UTRN: variants seen among roughly 807,000 people sequenced by gnomAD.
UTRN encodes dystrophin-related protein 1.
Under a neutral mutation model 463.9 loss-of-function variants are expected in UTRN, and 283 were observed. That is an observed-to-expected ratio of 0.61 (90% confidence interval 0.55 to 0.67). The LOEUF (loss-of-function observed/expected upper bound fraction) is 0.67, where lower values mean the gene tolerates loss of function less well. Ranked by LOEUF, UTRN falls within the 30% of genes least tolerant of loss-of-function variation. The probability of loss-of-function intolerance (pLI) is 0.00; values close to 1 mark genes in which losing one functional copy is unlikely to be tolerated. For missense variants in UTRN, 3,922 were observed against 4,084.3 expected, an observed-to-expected ratio of 0.96 and a Z score of 1.08; for synonymous variants, 1,442 against 1,431.5, an observed-to-expected ratio of 1.01 and a Z score of -0.17.
intron 2 of UTRN, among the ~76,000 whole-genome samples, chr6:144,381,103 G>A (rs900603163): frequency 5.9e-5 from 9 of 151,598 alleles, no homozygotes; most frequent in East Asian, 5.8e-4. Flanking sequence ...GTTTGTTTAC[G>A]GATTATTTCA....
chr6:144,405,166 C>G (rs1282128245), intron 3 of UTRN, among the ~76,000 whole-genome samples: 3 of 152,110 alleles, frequency 2.0e-5, no homozygotes, highest in African/African-American at 4.8e-5. Flanking sequence ...GAAAAACTAC[C>G]AAACGTGGGA....
intron 41 of UTRN, among the ~76,000 whole-genome samples, chr6:144,527,818 G>A (rs1796693021): frequency 6.6e-6 from 1 of 152,140 alleles, no homozygotes; most frequent in Non-Finnish European, 1.5e-5. Context: ...CTCTGAGTGT[G>A]TCCTTGATTT....
intron 50 of UTRN, among the ~76,000 whole-genome samples, chr6:144,569,073 A>G (rs972278758): frequency 6.6e-6 from 1 of 152,108 alleles, no homozygotes; most frequent in African/African-American, 2.4e-5. Context: ...ATGGATAAAA[A>G]ATCTTGTAAT....
chr6:144,310,781 CACAA>C (rs776473585), intron 2 of UTRN, among the ~76,000 whole-genome samples: 3 of 152,318 alleles, frequency 2.0e-5, no homozygotes, highest in East Asian at 1.9e-4. Flanking sequence ...CTGTCTCAAA[CACAA>C]ACAAACAAAC....
chr6:144,547,594 A>G (rs1445790751), intron 46 of UTRN, among the ~76,000 whole-genome samples: 1 of 152,180 alleles, frequency 6.6e-6, no homozygotes, highest in Non-Finnish European at 1.5e-5. Context: ...ATTGAACAGT[A>G]AATTCTTCTT....
intron 59 of UTRN, 48 bp downstream of exon 59, chr6:144,772,016 GTTTTTTTTTTTTTTTTTTT>G (rs748399313): frequency 1.2e-3 from 148 of 127,576 alleles, no homozygotes; most frequent in South Asian, 3.4e-3. Context: ...CTGAGAACCG[GTTTTTTTTTTTTTTTTTTT>G]TTTTTTTTTT....
intron 65 of UTRN, among the ~76,000 whole-genome samples, chr6:144,814,414 G>A (rs968586901): frequency 2.0e-5 from 3 of 152,142 alleles, no homozygotes; most frequent in Non-Finnish European, 4.4e-5. Context: ...TTCTGTTATA[G>A]CAGACTGAAT....
At chr6:144,729,780 T>C (rs1788324276) in intron 53 of UTRN, among the ~76,000 whole-genome samples, 1 of 152,252 alleles carries the variant, frequency 6.6e-6, no homozygotes, top group Non-Finnish European at 1.5e-5. Context: ...AGTAATTGCC[T>C]CAGCATGAGA....
At chr6:144,780,194 CAT>C (rs931040614) in intron 60 of UTRN, among the ~76,000 whole-genome samples, 1 of 152,034 alleles carries the variant, frequency 6.6e-6, no homozygotes, top group Non-Finnish European at 1.5e-5. Context: ...CAAAATATGT[CAT>C]ATTTTTTGAG....
intron 2 of UTRN, among the ~76,000 whole-genome samples, chr6:144,314,179 G>A (rs530089735): frequency 1.1e-3 from 169 of 152,156 alleles, no homozygotes; most frequent in African/African-American, 4.0e-3. Context: ...GGGAGCCAGC[G>A]TTGGGAATAA....
At chr6:144,740,175 T>C (rs920867644) in intron 54 of UTRN, among the ~76,000 whole-genome samples, 2 of 152,234 alleles carry the variant, frequency 1.3e-5, no homozygotes, top group East Asian at 3.8e-4. Context: ...GTCACAAAAC[T>C]TGATGCTCTT....
chr6:144,761,413 G>A (rs1792657424), intron 58 of UTRN, among the ~76,000 whole-genome samples: 1 of 152,020 alleles, frequency 6.6e-6, no homozygotes, highest in South Asian at 2.1e-4. Context: ...CCTAATGCTT[G>A]GGAGGCTGAG....
intron 52 of UTRN, among the ~76,000 whole-genome samples, chr6:144,691,840 C>CTATTT (rs1312703003): frequency 6.6e-6 from 1 of 152,010 alleles, no homozygotes; most frequent in African/African-American, 2.4e-5. Context: ...ACCACCTTGT[C>CTATTT]TATTTTATTT....
rs1009249610 is a variant in UTRN, at chr6:144,423,731, C to A, written c.312+105C>A. On this transcript the variant is annotated intron_variant, in intron 5 of 74. Transcript: ENST00000367545. The stretch of plus-strand genomic sequence containing the variant: ...ATTGGCATCCACTGATTCTTGCAAA[C>A]ATTTTTTCTTATGAGAAATACTGAA... 1.3e-5 allele frequency: 18 copies of A among 1,351,994 alleles called. No individual in the cohort carries two copies. In the African/African-American group the frequency reaches 2.3e-4, roughly 17 times the overall value. The allele number at this position is 1,351,994 out of a possible 1,614,324, so 83.7% of individuals were successfully genotyped here.
chr6:144,360,823 G>A (rs950544798), intron 2 of UTRN, among the ~76,000 whole-genome samples: 1 of 152,060 alleles, frequency 6.6e-6, no homozygotes, highest in African/African-American at 2.4e-5. Flanking sequence ...TTTTATTATT[G>A]GCCACCTTTC....
intron 51 of UTRN, among the ~76,000 whole-genome samples, chr6:144,649,522 A>G (rs552359904): frequency 3.0e-4 from 46 of 152,330 alleles, no homozygotes; most frequent in South Asian, 2.5e-3. Context: ...TCATTATCAC[A>G]GAAAGTTCTA....
At chr6:144,651,773 A>C (rs1047214540) in intron 51 of UTRN, among the ~76,000 whole-genome samples, 2 of 152,138 alleles carry the variant, frequency 1.3e-5, no homozygotes, top group Non-Finnish European at 2.9e-5. Context: ...TGTTGTAAAT[A>C]TCTTCTTCCA....
At chr6:144,685,827 C>T (rs1168685812) in intron 52 of UTRN, among the ~76,000 whole-genome samples, 1 of 152,112 alleles carries the variant, frequency 6.6e-6, no homozygotes, top group Non-Finnish European at 1.5e-5. Context: ...TATTTTCTCT[C>T]ATTCTGTGGG....
rs1207299825 is a variant in UTRN at position 144,403,250 on chromosome 6, G to A, written c.141+66G>A. 8 of 1,427,392 alleles carry A rather than the reference G, an allele frequency of 5.6e-6. No homozygotes were observed. The Admixed American group carries it at 1.3e-4, about 22-fold the overall frequency. 88.4% of individuals were successfully genotyped at this position (1,427,392 alleles called of 1,614,324 possible). On this transcript the variant is annotated intron_variant, in intron 3 of 74. Transcript: ENST00000367545. ...CATTCTGATTGAAGGAGTTTGGTTGGAAGTGCAGTGAATTTTCCCCAGGAA... is the reference window on the plus strand; with the variant it reads ...CATTCTGATTGAAGGAGTTTGGTTGAAAGTGCAGTGAATTTTCCCCAGGAA...
Sources: allele counts gnomAD v4.1 joint callset (sites outside exome capture counted in the v4.1 genomes callset), GRCh38; gene constraint gnomAD v4.1.1; transcripts MANE v1.5; gene names NCBI Gene and HGNC (gene_info 2026-07-23, HGNC 2026-07-21).